NBAS: variants seen among roughly 807,000 people sequenced by gnomAD.
NBAS encodes the protein NAG/BC035112 fusion.
Under a neutral mutation model 302.5 loss-of-function variants are expected in NBAS, and 219 were observed. The observed-to-expected ratio is 0.72, with a 90% confidence interval of 0.65 to 0.81. The LOEUF (loss-of-function observed/expected upper bound fraction) is 0.81, where lower values mean the gene tolerates loss of function less well. NBAS is among the 30% of genes least tolerant of loss of function. The probability of loss-of-function intolerance (pLI) is 0.00; values close to 1 mark genes in which losing one functional copy is unlikely to be tolerated. For synonymous variants in NBAS, 1,118 were observed against 1,021.6 expected (o/e 1.09, Z -1.80); for missense variants, 2,932 against 2,841.6 (o/e 1.03, Z -0.72).
chr2:14,847,322 G>T, the NBAS span, among the ~76,000 whole-genome samples: 1 of 141,066 alleles, frequency 7.1e-6, no homozygotes, highest in Non-Finnish European at 1.5e-5. Flanking sequence ...GGCGGAGCTT[G>T]CAGTGAGCCA....
the NBAS span, among the ~76,000 whole-genome samples, chr2:14,983,349 A>G: frequency 1.3e-5 from 2 of 152,204 alleles, no homozygotes; most frequent in Admixed American, 1.3e-4. Flanking sequence ...TCTAAAATGA[A>G]TCCAGAAATT....
At chr2:15,002,031 C>A in the NBAS span, among the ~76,000 whole-genome samples, 1 of 152,106 alleles carries the variant, frequency 6.6e-6, no homozygotes, top group African/African-American at 2.4e-5. Flanking sequence ...TTTGACAGGG[C>A]GCTGATTGGT....
intron 6 of NBAS, among the ~76,000 whole-genome samples, chr2:15,546,645 T>G (rs892563849): frequency 2.0e-5 from 3 of 152,168 alleles, no homozygotes; most frequent in Non-Finnish European, 4.4e-5. Context: ...GGAGAATCAC[T>G]TGAACTCGGG....
At chr2:15,324,104 G>A (rs1273174620) in intron 38 of NBAS, among the ~76,000 whole-genome samples, 5 of 152,166 alleles carry the variant, frequency 3.3e-5, no homozygotes, top group Non-Finnish European at 7.3e-5. Flanking sequence ...ACCAGTGTGA[G>A]TGAAGGCGCA....
chr2:15,057,577 A>G, the NBAS span, among the ~76,000 whole-genome samples: 1 of 151,840 alleles, frequency 6.6e-6, no homozygotes, highest in South Asian at 2.1e-4. Flanking sequence ...TCCCTCACCA[A>G]CCTCCAGCTC....
At chr2:15,447,124 T>C (rs927530739) in intron 21 of NBAS, among the ~76,000 whole-genome samples, 4 of 152,202 alleles carry the variant, frequency 2.6e-5, no homozygotes, top group Non-Finnish European at 4.4e-5. Flanking sequence ...GGGACAGTAG[T>C]AAACAAATAC....
chr2:15,394,057 G>C (rs1675745776), intron 28 of NBAS, among the ~76,000 whole-genome samples, 170 bp downstream of exon 28: 1 of 151,870 alleles, frequency 6.6e-6, no homozygotes, highest in African/African-American at 2.4e-5. Flanking sequence ...TCATAATGAT[G>C]GTTTCCCATG....
intron 9 of NBAS, among the ~76,000 whole-genome samples, chr2:15,528,878 A>AATATAT (rs57028015): frequency 5.8e-5 from 7 of 121,548 alleles, no homozygotes; most frequent in South Asian, 4.9e-4. Flanking sequence ...AAAAAAAAAA[A>AATATAT]ATATATATAT....
the NBAS span, among the ~76,000 whole-genome samples, chr2:14,891,503 T>C: frequency 6.6e-6 from 1 of 152,194 alleles, no homozygotes; most frequent in Admixed American, 6.5e-5. Flanking sequence ...ATCACTTACT[T>C]ATTTATTATA....
intron 44 of NBAS, among the ~76,000 whole-genome samples, chr2:15,266,283 TACAGCAG>T (rs1669072902): frequency 6.6e-6 from 1 of 152,222 alleles, no homozygotes; most frequent in Non-Finnish European, 1.5e-5. Context: ...AACTGATGAA[TACAGCAG>T]ACATTGTTAA....
At chr2:14,908,968 T>A in the NBAS span, among the ~76,000 whole-genome samples, 2 of 152,140 alleles carry the variant, frequency 1.3e-5, no homozygotes, top group African/African-American at 4.8e-5. Flanking sequence ...GATTCCTAAA[T>A]TGGTCTCAGA....
At chr2:15,034,838 T>C in the NBAS span, among the ~76,000 whole-genome samples, 5 of 152,290 alleles carry the variant, frequency 3.3e-5, no homozygotes, top group South Asian at 2.1e-4. Context: ...GAAAATGCTA[T>C]CAATAATTTT....
chr2:15,553,334 A>G (rs1250610970), intron 5 of NBAS, 92 bp downstream of exon 5: 1 of 1,153,442 alleles, frequency 8.7e-7, no homozygotes, highest in African/African-American at 1.5e-5. Flanking sequence ...AATCCTTTTA[A>G]ATATATCCCC....
chr2:15,082,159 G>A, the NBAS span, among the ~76,000 whole-genome samples: 2 of 152,110 alleles, frequency 1.3e-5, no homozygotes, highest in Non-Finnish European at 2.9e-5. Flanking sequence ...CAATTTACCT[G>A]GTTTTGTGCA....
intron 36 of NBAS, 84 bp from the exon 37 acceptor site, chr2:15,328,396 G>A: frequency 7.0e-6 from 8 of 1,138,334 alleles, no homozygotes; most frequent in Non-Finnish European, 1.1e-5. Flanking sequence ...GGAAAGAAGG[G>A]AGAGAGGGAG....
intron 5 of NBAS, 92 bp downstream of exon 5, chr2:15,553,334 A>C: frequency 2.6e-6 from 3 of 1,153,442 alleles, no homozygotes; most frequent in Non-Finnish European, 3.8e-6. Context: ...AATCCTTTTA[A>C]ATATATCCCC....
chr2:14,890,609 G>A, the NBAS span: 1 of 152,124 alleles, frequency 6.6e-6, no homozygotes, highest in African/African-American at 2.4e-5. Context: ...CTTGAAGTCA[G>A]GAGTTTGAGA....
chr2:15,233,579 C>T (rs562205098), intron 46 of NBAS, among the ~76,000 whole-genome samples: 1 of 152,222 alleles, frequency 6.6e-6, no homozygotes, highest in African/African-American at 2.4e-5. Context: ...TATCTGTCAT[C>T]ATTTGAAAGA....
Position 15,293,533 on chromosome 2 carries a change from C to T in NBAS, c.4798-767G>A, listed in dbSNP as rs930960581. 3.9e-5 allele frequency among the ~76,000 whole-genome samples: 6 copies of T among 152,002 alleles called. No homozygotes were observed. In the East Asian group the frequency reaches 1.2e-3, roughly 29 times the overall value. On this transcript the variant is annotated intron_variant, in intron 40 of 51. Coordinates refer to ENST00000281513, the MANE Select transcript of NBAS (RefSeq NM_015909.4). The stretch of plus-strand genomic sequence containing the variant: ...GTTGGTCTGGGTGTTAATGAAGTTA[C>T]AGAGCTGAGCCATGATTTTGGAATT...
Sources: gnomAD v4.1 joint callset for allele counts (sites outside exome capture counted in the v4.1 genomes callset) on GRCh38, gnomAD v4.1.1 for gene constraint, MANE v1.5 for transcripts, NCBI Gene and HGNC (gene_info 2026-07-23, HGNC 2026-07-21) for gene names.